The following ABCA12 variants were observed in gnomAD, a reference collection of about 807,000 sequenced individuals.
ABCA12 encodes glucosylceramide transporter ABCA12.
ABCA12 carries 156 observed loss-of-function variants against 293.5 expected under a neutral mutation model. The ratio of observed to expected loss-of-function variants is 0.53; its 90% confidence interval spans 0.47 to 0.61. ABCA12 has a LOEUF of 0.61. Among genes scored for constraint, ABCA12 ranks in the 20% least tolerant of loss-of-function variants. The pLI is 0.00. For synonymous variants in ABCA12, 1,063 were observed against 1,108.0 expected, an observed-to-expected ratio of 0.96 and a Z score of 0.81; for missense variants, 2,797 against 3,090.2, an observed-to-expected ratio of 0.91 and a Z score of 2.25.
At position 214,936,775 on chromosome 2, in the gene ABCA12, A is replaced by T. The variant is rs571717483; in HGVS notation, c.7542+735T>A. ...CTTTCAAATGAGGGGGACAAACCAG[A>T]TAATCATTCTGGAGCTCTGTAGTTT... On this transcript the variant is annotated intron_variant, in intron 51 of 52. Transcript: ENST00000272895. Among the ~76,000 whole-genome samples, 126 of 152,284 alleles carry T rather than the reference A, an allele frequency of 8.3e-4. 1 individual carries two copies. The South Asian group carries it at 8.3e-3, about 10-fold the overall frequency.
chr2:214,969,650 C>T (rs1183295764), intron 37 of ABCA12, among the ~76,000 whole-genome samples: 1 of 151,994 alleles, frequency 6.6e-6, no homozygotes, highest in Non-Finnish European at 1.5e-5. Context: ...ATCAATAGTG[C>T]TTATATCTGT....
At chr2:215,059,171 A>G (rs1256436878) in intron 3 of ABCA12, among the ~76,000 whole-genome samples, 1 of 152,060 alleles carries the variant, frequency 6.6e-6, no homozygotes, top group Non-Finnish European at 1.5e-5. Flanking sequence ...TTAGAATTAC[A>G]TGGGTATGTA....
At chr2:215,137,614 G>A (rs1703258377) in intron 1 of ABCA12, among the ~76,000 whole-genome samples, 1 of 152,134 alleles carries the variant, frequency 6.6e-6, no homozygotes, top group Non-Finnish European at 1.5e-5. Flanking sequence ...CTCTTGTTTG[G>A]TATTCCCAGT....
intron 19 of ABCA12, 33 bp from the exon 20 acceptor site, chr2:215,004,332 A>G (rs890007506): frequency 6.6e-7 from 1 of 1,522,756 alleles, no homozygotes; most frequent in African/African-American, 1.4e-5. Flanking sequence ...CAGTTTCAAT[A>G]CAAGAAAAAT....
chr2:215,038,248 A>G (rs1701029644), intron 7 of ABCA12, among the ~76,000 whole-genome samples: 1 of 152,212 alleles, frequency 6.6e-6, no homozygotes. Context: ...TTTTCTAATA[A>G]TTCTATAAAA....
rs1016100156 is a variant in ABCA12 at position 214,974,673 on chromosome 2, A to G, written c.5468+105T>C. ...GTTAAACAGGGATTTCTATCAGGGT[A>G]CAGCTTTCTTCCAGGCAAATAACAG... On this transcript the variant is annotated intron_variant, in intron 35 of 52. Coordinates refer to ENST00000272895, the MANE Select transcript of ABCA12 (RefSeq NM_173076.3). 5 of 1,063,690 alleles carry G rather than the reference A, an allele frequency of 4.7e-6. No individual in the cohort carries two copies. The African/African-American group carries it at 6.3e-5, about 13-fold the overall frequency. 65.9% of individuals were successfully genotyped at this position (1,063,690 alleles called of 1,614,324 possible). A position where few individuals can be genotyped will look rare whatever the true frequency, so the allele number is the denominator to read the frequency against.
chr2:215,129,879 T>C (rs1052618985), intron 1 of ABCA12, among the ~76,000 whole-genome samples: 14 of 152,226 alleles, frequency 9.2e-5, no homozygotes, highest in Non-Finnish European at 1.3e-4. Flanking sequence ...TTTAGGTCTT[T>C]AATCCATCTT....
chr2:215,018,174 G>A, intron 13 of ABCA12, 42 bp from the exon 14 acceptor site: 1 of 1,593,792 alleles, frequency 6.3e-7, no homozygotes. Flanking sequence ...ATGTTGGTTT[G>A]TCAGGTCACT....
intron 23 of ABCA12, among the ~76,000 whole-genome samples, chr2:214,992,872 T>C (rs1192793762): frequency 6.7e-6 from 1 of 149,410 alleles, no homozygotes; most frequent in Admixed American, 6.6e-5. Context: ...TGTCTCAAAA[T>C]AAATAAATAA....
intron 30 of ABCA12, 57 bp downstream of exon 30, chr2:214,982,130 T>C: frequency 6.3e-7 from 1 of 1,590,882 alleles, no homozygotes; most frequent in Non-Finnish European, 8.6e-7. Context: ...CTTTTGTATA[T>C]GCCAGAGGGC....
intron 37 of ABCA12, among the ~76,000 whole-genome samples, 186 bp from the exon 38 acceptor site, chr2:214,968,993 G>A (rs1699328393): frequency 6.6e-6 from 1 of 151,882 alleles, no homozygotes; most frequent in Admixed American, 6.6e-5. Context: ...TCAGTCTCAA[G>A]TGTACATTAT....
intron 48 of ABCA12, among the ~76,000 whole-genome samples, chr2:214,945,989 G>A (rs1698571276): frequency 6.6e-6 from 1 of 152,064 alleles, no homozygotes; most frequent in South Asian, 2.1e-4. Context: ...AGCTAGACAA[G>A]AAGCATAAGT....
At chr2:215,070,977 C>A (rs1043310133) in intron 2 of ABCA12, among the ~76,000 whole-genome samples, 1 of 151,868 alleles carries the variant, frequency 6.6e-6, no homozygotes, top group Non-Finnish European at 1.5e-5. Context: ...CCCAGCAGTT[C>A]GAGACAAAGC....
intron 3 of ABCA12, among the ~76,000 whole-genome samples, chr2:215,058,779 C>G (rs1039127718): frequency 6.6e-6 from 1 of 151,848 alleles, no homozygotes; most frequent in Non-Finnish European, 1.5e-5. Context: ...TTATAGGGCT[C>G]TATTTTGGAG....
In ABCA12 at chr2:215,001,541, A is replaced by T; in HGVS notation, c.2863+17T>A. On this transcript the variant is annotated intron_variant, in intron 21 of 52. Transcript: ENST00000272895. ...TAGCACAAAGAGATGCTCAAACCCT[A>T]ATAGAACAGCACTTACTTCCAAAGA... 1 of 1,613,444 alleles carries T rather than the reference A, an allele frequency of 6.2e-7. No homozygotes were observed. Among genetic ancestry groups the T allele is most frequent in the Non-Finnish European group, 8.5e-7 (1 of 1,179,584 alleles).
chr2:214,968,289 CT>C (rs1397559936), intron 38 of ABCA12, among the ~76,000 whole-genome samples: 1 of 152,014 alleles, frequency 6.6e-6, no homozygotes, highest in Non-Finnish European at 1.5e-5. Context: ...CCTATAAACT[CT>C]CAAAGTTTAC....
intron 13 of ABCA12, 145 bp from the exon 14 acceptor site, chr2:215,018,277 A>T (rs2106011657): frequency 1.1e-6 from 1 of 916,058 alleles, no homozygotes; most frequent in Non-Finnish European, 1.6e-6. Flanking sequence ...CAAACGTTGC[A>T]TATTTAGGAT....
chr2:215,010,824 T>A (rs1157206629), intron 17 of ABCA12, among the ~76,000 whole-genome samples: 1 of 152,096 alleles, frequency 6.6e-6, no homozygotes, highest in Non-Finnish European at 1.5e-5. Context: ...ACCAGATACA[T>A]AAGAGCTGTT....
chr2:214,989,554 A>G lies in ABCA12; in HGVS notation c.3692T>C (p.Ile1231Thr), dbSNP rs1320892569. 6.2e-7 allele frequency: 1 copy of G among 1,614,080 alleles called. No individual in the cohort carries two copies. The highest frequency in any genetic ancestry group is 1.7e-5 in the Admixed American group (1 of 60,014). The part of the protein sequence containing the change: ...QYIARYEEQG[I>T]GLQWENMYTS... ...AGTTTTAAAGAAAGGGGACCTACCAATGCCCTGTTCTTCGTATCGTGCAAT... is the reference window on the plus strand; with the variant it reads ...AGTTTTAAAGAAAGGGGACCTACCAGTGCCCTGTTCTTCGTATCGTGCAAT... Residue 1231 changes from isoleucine (I) to threonine (T), a missense_variant and splice_region_variant, in exon 25 of 53, where the codon ATT becomes ACT. By Grantham distance (89) the Ile-to-Thr change is moderately conservative. Around this residue, in one of 3 missense-constraint regions of ABCA12, gnomAD observed 2,130 missense variants for 2,427.0 expected, o/e 0.88. Transcript: ENST00000272895.
Sources: gnomAD v4.1 joint callset for allele counts (sites outside exome capture counted in the v4.1 genomes callset) on GRCh38, gnomAD v4.1.1 for gene constraint, gnomAD v4.1.1 regional missense constraint, MANE v1.5 for transcripts, NCBI Gene and HGNC (gene_info 2026-07-23, HGNC 2026-07-21) for gene names.